The following MKLN1 variants were observed in gnomAD, a reference collection of about 807,000 sequenced individuals.
MKLN1 encodes muskelin 1.
In MKLN1, 18 loss-of-function variants were observed where a neutral mutation model predicts 99.0. That is an observed-to-expected ratio of 0.18 (90% confidence interval 0.13 to 0.27). MKLN1 has a LOEUF of 0.27. Among genes scored for constraint, MKLN1 ranks in the 10% least tolerant of loss-of-function variants. The pLI is 1.00. For synonymous variants in MKLN1, 288 were observed against 293.2 expected (o/e 0.98, Z 0.18); for missense variants, 621 against 875.9 (o/e 0.71, Z 3.67).
chr7:131,213,233 C>T (rs928630729), intron 3 of MKLN1, among the ~76,000 whole-genome samples: 8 of 151,930 alleles, frequency 5.3e-5, no homozygotes, highest in East Asian at 3.9e-4. Flanking sequence ...AATATTCTGC[C>T]GTGTATTTTA....
chr7:131,418,369 C>CAAAAAAAA (rs943898750), intron 8 of MKLN1, among the ~76,000 whole-genome samples: 1 of 54,782 alleles, frequency 1.8e-5, no homozygotes, highest in African/African-American at 6.2e-5. Flanking sequence ...GACTTCGTCT[C>CAAAAAAAA]AAAAAAAAAA....
intron 3 of MKLN1, among the ~76,000 whole-genome samples, chr7:131,249,667 T>G (rs1037165227): frequency 6.6e-6 from 1 of 152,036 alleles, no homozygotes; most frequent in African/African-American, 2.4e-5. Flanking sequence ...CTCCCAAGAA[T>G]GCATGGAAGG....
At chr7:131,177,877 G>C (rs932277552) in intron 2 of MKLN1, among the ~76,000 whole-genome samples, 1 of 152,182 alleles carries the variant, frequency 6.6e-6, no homozygotes, top group Non-Finnish European at 1.5e-5. Context: ...TTGGAGGTAG[G>C]AAGTCCAGGA....
At chr7:131,336,333 A>G (rs1799249410) in intron 1 of MKLN1, among the ~76,000 whole-genome samples, 1 of 151,906 alleles carries the variant, frequency 6.6e-6, no homozygotes. Context: ...CTGTAGCTTT[A>G]TATTTGGGGT....
Position 131,298,863 on chromosome 7 carries a change from T to C in MKLN1, c.-178-76561T>C, listed in dbSNP as rs182574129. On this transcript the variant is annotated intron_variant, in intron 3 of 7. Coordinates refer to the MKLN1 transcript ENST00000416992. ...ACCATTTAGAAACGAGGGTCAACTA[T>C]CAAGCGAAATACTGAATCTGATCAT... 3.3e-4 allele frequency among the ~76,000 whole-genome samples: 51 copies of C among 152,316 alleles called. 1 individual carries two copies. Among genetic ancestry groups the C allele is most frequent in the Admixed American group, 2.6e-3 (40 of 15,296 alleles).
At chr7:131,227,495 C>CTTTCTTTCTTTCTT (rs767797052) in intron 3 of MKLN1, among the ~76,000 whole-genome samples, 41 of 115,788 alleles carry the variant, frequency 3.5e-4, no homozygotes, top group Admixed American at 1.0e-3. Context: ...CTCTTTCTTT[C>CTTTCTTTCTTTCTT]TCTTTCTTTC....
At chr7:131,156,039 A>G (rs1795958046) in intron 2 of MKLN1, among the ~76,000 whole-genome samples, 1 of 152,236 alleles carries the variant, frequency 6.6e-6, no homozygotes, top group African/African-American at 2.4e-5. Flanking sequence ...TTGGGAAGCT[A>G]GAAATAAATT....
chr7:131,129,986 T>G (rs1255811854), intron 1 of MKLN1, among the ~76,000 whole-genome samples: 1 of 152,242 alleles, frequency 6.6e-6, no homozygotes, highest in South Asian at 2.1e-4. Flanking sequence ...TTTTATTTTA[T>G]GGGTGTGATT....
intron 3 of MKLN1, among the ~76,000 whole-genome samples, chr7:131,235,987 G>C (rs1333525011): frequency 6.6e-6 from 1 of 152,146 alleles, no homozygotes. Flanking sequence ...TATAAAGCTG[G>C]CAATCAGTTT....
intron 2 of MKLN1, among the ~76,000 whole-genome samples, chr7:131,188,527 C>G (rs959471485): frequency 6.6e-6 from 1 of 152,144 alleles, no homozygotes; most frequent in South Asian, 2.1e-4. Context: ...AGCCGGCTAG[C>G]CTGGACTTGT....
chr7:131,487,612 T>C lies in MKLN1; in HGVS notation c.2092T>C (p.Ser698Pro), dbSNP rs769564466. 1.9e-6 allele frequency: 3 copies of C among 1,611,694 alleles called. 1 individual carries two copies. In the South Asian group the frequency reaches 3.3e-5, roughly 18 times the overall value. ...CTTTGTATCTTCTTCACCAGGCTTT[T>C]CTGATGTGGATCACACCTATGCTCA... The part of the protein sequence containing the change: ...SGSDFTALGF[S>P]DVDHTYAQRT... Residue 698 changes from serine to proline, a missense_variant, in exon 18 of 18, where the codon TCT (serine) becomes CCT (proline). By Grantham distance (74) the Ser-to-Pro change is moderately conservative. This residue lies in a region of MKLN1 where 126 missense variants were observed against 157.4 expected (regional missense o/e 0.80). Transcript: ENST00000352689. This position sits in a 1 kb window ranked among gnomAD's most constrained non-coding sequence, Gnocchi z 4.7.
chr7:131,473,497 G>T (rs1203697772), intron 16 of MKLN1, among the ~76,000 whole-genome samples: 1 of 151,914 alleles, frequency 6.6e-6, no homozygotes, highest in Non-Finnish European at 1.5e-5. Context: ...TTCTGAATTG[G>T]TGATGAACTT....
At chr7:131,174,081 T>TC (rs1796257934) in intron 2 of MKLN1, among the ~76,000 whole-genome samples, 1 of 149,492 alleles carries the variant, frequency 6.7e-6, no homozygotes, top group Non-Finnish European at 1.5e-5. Flanking sequence ...CACGCCATTC[T>TC]CCCGCCTCAG....
chr7:131,422,996 A>T (rs551160047), intron 8 of MKLN1, among the ~76,000 whole-genome samples: 1 of 152,244 alleles, frequency 6.6e-6, no homozygotes, highest in South Asian at 2.1e-4. Context: ...TTGGGTTTCG[A>T]CTGGGAAAAG....
intron 2 of MKLN1, among the ~76,000 whole-genome samples, chr7:131,199,256 T>TAA (rs71769046): frequency 1.4e-5 from 2 of 145,086 alleles, no homozygotes; most frequent in South Asian, 2.2e-4. Flanking sequence ...GAACTCACAT[T>TAA]AAAAAAAAAA....
At chr7:131,150,723 G>C (rs1795877147) in intron 2 of MKLN1, among the ~76,000 whole-genome samples, 1 of 151,952 alleles carries the variant, frequency 6.6e-6, no homozygotes, top group Non-Finnish European at 1.5e-5. Flanking sequence ...ACTTTCAAAT[G>C]AATAACTAAA....
At chr7:131,169,651 G>A (rs575836499) in intron 2 of MKLN1, among the ~76,000 whole-genome samples, 14 of 152,272 alleles carry the variant, frequency 9.2e-5, no homozygotes, top group African/African-American at 2.9e-4. Context: ...CTTACGAATT[G>A]AGATTATTAA....
intron 3 of MKLN1, among the ~76,000 whole-genome samples, chr7:131,250,224 T>C (rs1023617237): frequency 6.6e-6 from 1 of 151,140 alleles, no homozygotes; most frequent in African/African-American, 2.4e-5. Context: ...TGGGGGGAGA[T>C]GATGGGAGGA....
In MKLN1 at chr7:131,490,313, A is replaced by G. The variant is rs567178528; in HGVS notation, c.*2585A>G. The G allele has an allele frequency of 6.5e-6, 1 of 152,712 alleles. No homozygotes were observed. The highest frequency in any genetic ancestry group is 2.1e-4 in the South Asian group (1 of 4,830). 9.5% of individuals were successfully genotyped at this position (152,712 alleles called of 1,614,324 possible). A position where few individuals can be genotyped will look rare whatever the true frequency, so the allele number is the denominator to read the frequency against. ...GGGATACAGTTTTCTCATTTGTATT[A>G]TCTCCAGCTTCAACCTCATTTATCC... is the stretch of plus-strand genomic sequence containing the variant. On this transcript the variant is annotated 3_prime_UTR_variant, in exon 18 of 18. Coordinates refer to ENST00000352689, the MANE Select transcript of MKLN1 (RefSeq NM_013255.5).
Sources: gnomAD v4.1 joint callset for allele counts (sites outside exome capture counted in the v4.1 genomes callset) on GRCh38, gnomAD v4.1.1 for gene constraint, gnomAD v4.1.1 regional missense constraint, Gnocchi (gnomAD v3.1) non-coding constraint, MANE v1.5 for transcripts, NCBI Gene and HGNC (gene_info 2026-07-23, HGNC 2026-07-21) for gene names.